The following MICU3 variants were observed in gnomAD, a reference collection of about 807,000 sequenced individuals.
MICU3 encodes the protein calcium uptake protein 3, mitochondrial.
A neutral mutation model predicts 66.5 loss-of-function variants in MICU3; 62 were observed. The ratio of observed to expected loss-of-function variants is 0.93; its 90% CI spans 0.76 to 1.15. The LOEUF (loss-of-function observed/expected upper bound fraction) is 1.15, where lower values mean the gene tolerates loss of function less well. Ranked by LOEUF, MICU3 falls within the 50% of genes most tolerant of loss-of-function variation. The pLI is 0.00. For synonymous variants in MICU3, 308 were observed against 240.7 expected, an observed-to-expected ratio of 1.28 and a Z score of -2.59; for missense variants, 779 against 664.4, an observed-to-expected ratio of 1.17 and a Z score of -1.90.
At position 17,090,534 on chromosome 8, in the gene MICU3, G is replaced by T. The variant is rs750360009; in HGVS notation, c.850-12G>T. On this transcript the variant is annotated splice_polypyrimidine_tract_variant and intron_variant, in intron 7 of 14. Coordinates refer to ENST00000318063, the MANE Select transcript of MICU3 (RefSeq NM_181723.3). Reference sequence around the variant, plus strand: ...TATGACACTTCATTTGGCCCTTTGTGCTCTATGTCAGCGTCTTCAACTTTA... The same window carrying T: ...TATGACACTTCATTTGGCCCTTTGTTCTCTATGTCAGCGTCTTCAACTTTA... 21 of 1,609,324 alleles carry T rather than the reference G, an allele frequency of 1.3e-5. No individual in the cohort carries two copies. The highest frequency in any genetic ancestry group is 1.6e-5 in the Non-Finnish European group (19 of 1,177,756).
intron 11 of MICU3, among the ~76,000 whole-genome samples, chr8:17,112,977 A>G (rs1412631168): frequency 1.3e-5 from 2 of 152,226 alleles, no homozygotes; most frequent in Non-Finnish European, 2.9e-5. Flanking sequence ...AGCAGGATCC[A>G]AGATTGGAAT....
chr8:17,117,872 G>A (rs1276188459), intron 13 of MICU3, among the ~76,000 whole-genome samples: 1 of 152,148 alleles, frequency 6.6e-6, no homozygotes, highest in African/African-American at 2.4e-5. Context: ...GGCCTCCCAA[G>A]TGCTGGGATT....
intron 12 of MICU3, among the ~76,000 whole-genome samples, chr8:17,114,521 A>T (rs1426849319): frequency 6.6e-6 from 1 of 152,218 alleles, no homozygotes; most frequent in African/African-American, 2.4e-5. Context: ...TTCTCAGCAG[A>T]GCCACCTCTT....
chr8:17,063,967 G>A (rs536271158), intron 1 of MICU3, 117 bp from the exon 2 acceptor site: 2 of 604,932 alleles, frequency 3.3e-6, no homozygotes, highest in Non-Finnish European at 2.7e-6. Context: ...TTCAGAAGAC[G>A]ATATTTTCAC....
chr8:17,126,374 C>T (rs978664224), downstream of MICU3, among the ~76,000 whole-genome samples: 1 of 152,110 alleles, frequency 6.6e-6, no homozygotes, highest in East Asian at 1.9e-4. Context: ...TTTTCCTGTC[C>T]TTGAGAAAGA....
intron 1 of MICU3, chr8:17,049,627 G>A (rs552877357): frequency 1.9e-6 from 1 of 518,618 alleles, no homozygotes; most frequent in East Asian, 5.5e-5. Context: ...TAGGCCGGAA[G>A]GATTGCAAAA....
chr8:17,133,510 A>G, the MICU3 span, among the ~76,000 whole-genome samples: 1 of 152,050 alleles, frequency 6.6e-6, no homozygotes, highest in African/African-American at 2.4e-5. Context: ...TATATATCTC[A>G]AAGATTTTCA....
intron 3 of MICU3, among the ~76,000 whole-genome samples, chr8:17,071,757 G>A (rs527560674): frequency 2.6e-5 from 4 of 152,230 alleles, no homozygotes; most frequent in Admixed American, 6.5e-5. Context: ...CCAAAGTTAA[G>A]AAGATGCTCC....
At chr8:17,091,055 T>C (rs1214089902) in intron 8 of MICU3, among the ~76,000 whole-genome samples, 6 of 152,022 alleles carry the variant, frequency 3.9e-5, no homozygotes, top group Non-Finnish European at 8.8e-5. Flanking sequence ...AAGCCTTTGT[T>C]TCCTGCCATT....
At chr8:17,129,091 T>A in the MICU3 span, among the ~76,000 whole-genome samples, 1 of 152,182 alleles carries the variant, frequency 6.6e-6, no homozygotes, top group Admixed American at 6.5e-5. Context: ...ACTGTACCTC[T>A]AAAGTAAAGA....
chr8:17,036,333 A>G (rs1812980249), intron 1 of MICU3, among the ~76,000 whole-genome samples: 1 of 152,106 alleles, frequency 6.6e-6, no homozygotes, highest in African/African-American at 2.4e-5. Context: ...CCAAAGAGTG[A>G]GCAGTAGCAA....
chr8:17,105,488 T>C lies in MICU3; in HGVS notation c.1161T>C (p.Ser387=). ...ACTCAAATGGAATGAATACCATCAG[T>C]GAAGAAGATTTTGCTCATATTCTTT... ...LSYSNGMNTI[S]EEDFAHILLR... is the part of the protein sequence containing the mutation. The change falls in exon 11 of 15, where the codon AGT becomes AGC. Residue 387 remains serine, a synonymous_variant. Coordinates refer to ENST00000318063, the MANE Select transcript of MICU3 (RefSeq NM_181723.3). 6.4e-7 allele frequency: 1 copy of C among 1,573,208 alleles called. No homozygotes were observed. The highest frequency in any genetic ancestry group is 1.1e-5 in the South Asian group (1 of 86,990).
At chr8:17,105,995 A>G (rs1402001152) in intron 11 of MICU3, among the ~76,000 whole-genome samples, 1 of 152,052 alleles carries the variant, frequency 6.6e-6, no homozygotes, top group Non-Finnish European at 1.5e-5. Flanking sequence ...ACCACCATTG[A>G]TGAGTGAGTG....
intron 9 of MICU3, among the ~76,000 whole-genome samples, chr8:17,098,876 A>G (rs1472467996): frequency 6.6e-6 from 1 of 151,700 alleles, no homozygotes; most frequent in Non-Finnish European, 1.5e-5. Flanking sequence ...CCCCCAGTAA[A>G]AGATACCTGA....
intron 1 of MICU3, among the ~76,000 whole-genome samples, chr8:17,033,683 C>T (rs769183379): frequency 3.9e-5 from 6 of 152,092 alleles, no homozygotes; most frequent in South Asian, 2.1e-4. Flanking sequence ...GTGATTTGCC[C>T]GACTTGGCCT....
Position 17,077,973 on chromosome 8 carries a change from A to ATT in MICU3, c.646+113_646+114insTT, listed in dbSNP as rs1424712002. 1,978 of 533,962 alleles carry ATT rather than the reference A, an allele frequency of 3.7e-3. 36 individuals are homozygous for ATT. Among genetic ancestry groups the ATT allele is most frequent in the African/African-American group, 0.034 (1,746 of 51,166 alleles). 33.1% of individuals were successfully genotyped at this position (533,962 alleles called of 1,614,324 possible). A position where few individuals can be genotyped will look rare whatever the true frequency, so the allele number is the denominator to read the frequency against. On this transcript the variant is annotated intron_variant, in intron 4 of 14. Coordinates refer to ENST00000318063, the MANE Select transcript of MICU3 (RefSeq NM_181723.3). Reference sequence around the variant, plus strand: ...TTTTAAATTACATCTATGTGTATGCATAGAGAAAAAACTGAAGAAGAAAAC... The same window carrying ATT: ...TTTTAAATTACATCTATGTGTATGCATTTAGAGAAAAAACTGAAGAAGAAAAC...
Position 17,121,067 on chromosome 8 carries a change from T to C in MICU3, c.*780T>C, listed in dbSNP as rs897061361. 1 of 151,912 alleles carries C rather than the reference T, an allele frequency of 6.6e-6. No homozygotes were observed. Among genetic ancestry groups the C allele is most frequent in the Non-Finnish European group, 1.5e-5 (1 of 67,820 alleles). The allele number at this position is 151,912 out of a possible 1,614,324, so 9.4% of individuals were successfully genotyped here. The stretch of plus-strand genomic sequence containing the variant: ...GTGGTAGTTGTTGTAACAGTAATCA[T>C]TGTCATTGTCATTATCTTCTTAAAC... On this transcript the variant is annotated 3_prime_UTR_variant, in exon 15 of 15. Transcript: ENST00000318063.
intron 1 of MICU3, among the ~76,000 whole-genome samples, chr8:17,032,206 C>G (rs761300209): frequency 2.0e-5 from 3 of 152,162 alleles, no homozygotes; most frequent in Admixed American, 6.5e-5. Flanking sequence ...TCACGTGGCA[C>G]TGTATTTATT....
intron 1 of MICU3, among the ~76,000 whole-genome samples, chr8:17,035,664 T>G (rs1043967608): frequency 5.3e-5 from 8 of 152,236 alleles, no homozygotes; most frequent in Admixed American, 3.9e-4. Flanking sequence ...GTGTTCAAGA[T>G]GTGACTTGGG....
Sources: gnomAD v4.1 joint callset for allele counts (sites outside exome capture counted in the v4.1 genomes callset) on GRCh38, gnomAD v4.1.1 for gene constraint, MANE v1.5 for transcripts, NCBI Gene and HGNC (gene_info 2026-07-23, HGNC 2026-07-21) for gene names.